The following ZFHX3 variants were observed in gnomAD, a reference collection of about 807,000 sequenced individuals.
The protein encoded by ZFHX3 is zinc finger homeobox 3.
Under a neutral mutation model 279.1 loss-of-function variants are expected in ZFHX3, and 42 were observed. The observed-to-expected ratio is 0.15, with a 90% CI of 0.12 to 0.19. ZFHX3 has a LOEUF of 0.19. Among genes scored for constraint, ZFHX3 ranks in the 10% least tolerant of loss-of-function variants. ZFHX3 has a pLI of 1.00. For missense variants in ZFHX3, 4,981 were observed against 4,754.0 expected (o/e 1.05, Z -1.40); for synonymous variants, 2,293 against 1,957.8 (o/e 1.17, Z -4.52).
At chr16:73,607,779 G>A (rs1335535607) in intron 2 of ZFHX3, among the ~76,000 whole-genome samples, 2 of 152,172 alleles carry the variant, frequency 1.3e-5, no homozygotes, top group African/African-American at 4.8e-5. Flanking sequence ...AGAAGAATGG[G>A]AGAAGGTCCT....
At chr16:73,658,503 A>G (rs895686737) in intron 2 of ZFHX3, among the ~76,000 whole-genome samples, 8 of 152,128 alleles carry the variant, frequency 5.3e-5, no homozygotes, top group Admixed American at 3.3e-4. Context: ...GGTTTTCACC[A>G]TGTTGGCTAG....
intron 1 of ZFHX3, among the ~76,000 whole-genome samples, chr16:73,831,902 TTTG>T (rs1961006413): frequency 6.6e-6 from 1 of 151,148 alleles, no homozygotes; most frequent in Non-Finnish European, 1.5e-5. Flanking sequence ...ATCTGGCTTC[TTTG>T]TTTTTTTGTT....
chr16:72,866,987 C>T (rs2038038411), intron 4 of ZFHX3, among the ~76,000 whole-genome samples: 1 of 152,194 alleles, frequency 6.6e-6, no homozygotes, highest in Non-Finnish European at 1.5e-5. Flanking sequence ...CAGTCATTAT[C>T]TTGCCTGTAT....
intron 8 of ZFHX3, among the ~76,000 whole-genome samples, chr16:73,091,422 C>A (rs1456547661): frequency 1.3e-5 from 2 of 152,004 alleles, no homozygotes; most frequent in African/African-American, 4.8e-5. Context: ...CCAGGGAATC[C>A]CTCTTTCTTG....
chr16:73,634,170 A>G (rs2052505583), intron 2 of ZFHX3, among the ~76,000 whole-genome samples: 3 of 151,942 alleles, frequency 2.0e-5, no homozygotes, highest in Non-Finnish European at 4.4e-5. Flanking sequence ...TATCATGTCA[A>G]TACTGTAAAA....
intron 3 of ZFHX3, among the ~76,000 whole-genome samples, chr16:73,393,237 T>C (rs2017056349): frequency 6.6e-6 from 1 of 152,222 alleles, no homozygotes; most frequent in African/African-American, 2.4e-5. Flanking sequence ...ATGGGAGCCA[T>C]TGTACCCGGC....
intron 4 of ZFHX3, among the ~76,000 whole-genome samples, chr16:72,846,330 G>A (rs1301928376): frequency 6.6e-6 from 1 of 152,244 alleles, no homozygotes; most frequent in African/African-American, 2.4e-5. Flanking sequence ...GGCATGGCAC[G>A]TGCAAAGACC....
chr16:73,224,341 A>C (rs901270464), intron 5 of ZFHX3, among the ~76,000 whole-genome samples: 4 of 152,248 alleles, frequency 2.6e-5, no homozygotes, highest in Non-Finnish European at 4.4e-5. Flanking sequence ...ACACTGCTCG[A>C]AAGTGTATTA....
intron 1 of ZFHX3, among the ~76,000 whole-genome samples, chr16:72,979,228 G>A (rs1302908524): frequency 6.6e-6 from 1 of 152,206 alleles, no homozygotes; most frequent in African/African-American, 2.4e-5. Context: ...CTGTGTCCAA[G>A]GCTGGAACCA....
intron 7 of ZFHX3, among the ~76,000 whole-genome samples, chr16:73,110,833 G>A (rs1262309744): frequency 6.6e-6 from 1 of 152,076 alleles, no homozygotes; most frequent in Non-Finnish European, 1.5e-5. Context: ...CAAATTGCTG[G>A]GATTATAGGT....
intron 1 of ZFHX3, among the ~76,000 whole-genome samples, chr16:73,822,495 G>C (rs1289523899): frequency 6.6e-6 from 1 of 151,554 alleles, no homozygotes; most frequent in Non-Finnish European, 1.5e-5. Context: ...CAGGTTGACT[G>C]TCATTGAAAA....
At chr16:72,963,787 G>A (rs1321638565) in intron 1 of ZFHX3, among the ~76,000 whole-genome samples, 1 of 152,160 alleles carries the variant, frequency 6.6e-6, no homozygotes, top group Non-Finnish European at 1.5e-5. Context: ...GCTGGGGTGG[G>A]AGGGGTGCAG....
rs371912555 is a variant in ZFHX3, at chr16:73,721,840, T to C, written c.-1607-41600A>G. ...CAGGCAGATTGCTTGAGCCCAGGAG[T>C]TCGAGAACAGCCTGGACAACATAGC... On this transcript the variant is annotated intron_variant, in intron 1 of 17. Coordinates refer to the ZFHX3 transcript ENST00000641206. 3.0e-4 allele frequency among the ~76,000 whole-genome samples: 45 copies of C among 152,154 alleles called. No individual in the cohort carries two copies. The East Asian group carries it at 5.0e-3, about 17-fold the overall frequency.
In ZFHX3 at chr16:73,077,766, C is replaced by T. The variant is rs185229455; in HGVS notation, c.-533+15469G>A. On this transcript the variant is annotated intron_variant, in intron 8 of 17. Coordinates refer to the ZFHX3 transcript ENST00000641206. ...AGACAGACAGAGTAAATTTGCCGATCGTGTCAATCATGTAGATCTCATGCA... is the reference window on the plus strand; with the variant it reads ...AGACAGACAGAGTAAATTTGCCGATTGTGTCAATCATGTAGATCTCATGCA... 3.4e-4 allele frequency among the ~76,000 whole-genome samples: 52 copies of T among 152,212 alleles called. 1 individual carries two copies. The East Asian group carries it at 8.3e-3, about 24-fold the overall frequency.
intron 1 of ZFHX3, among the ~76,000 whole-genome samples, chr16:73,792,294 C>A (rs1236107330): frequency 6.6e-6 from 1 of 152,080 alleles, no homozygotes; most frequent in Non-Finnish European, 1.5e-5. Context: ...GGGGAATGAA[C>A]TCATTTCCAG....
intron 1 of ZFHX3, among the ~76,000 whole-genome samples, chr16:73,687,977 A>T (rs2053108090): frequency 6.6e-6 from 1 of 152,006 alleles, no homozygotes; most frequent in African/African-American, 2.4e-5. Context: ...CCAACGTAAG[A>T]CGCAAATTCA....
intron 3 of ZFHX3, among the ~76,000 whole-genome samples, chr16:72,918,573 A>G (rs2039501796): frequency 6.6e-6 from 1 of 152,160 alleles, no homozygotes; most frequent in Non-Finnish European, 1.5e-5. Flanking sequence ...GCAGGTAACT[A>G]GGCAGCCAGT....
chr16:73,255,486 T>C (rs1389142821), intron 5 of ZFHX3, among the ~76,000 whole-genome samples: 1 of 152,172 alleles, frequency 6.6e-6, no homozygotes, highest in Non-Finnish European at 1.5e-5. Context: ...GCCTTGCCTG[T>C]GATTTGGGAG....
chr16:72,878,430 TG>T (rs1381593415), intron 4 of ZFHX3, among the ~76,000 whole-genome samples: 1 of 152,150 alleles, frequency 6.6e-6, no homozygotes, highest in African/African-American at 2.4e-5. Flanking sequence ...GCCCTCCCCA[TG>T]CTGTGGGGCT....
Sources: gnomAD v4.1 joint callset for allele counts (sites outside exome capture counted in the v4.1 genomes callset) on GRCh38, gnomAD v4.1.1 for gene constraint, MANE v1.5 for transcripts, NCBI Gene and HGNC (gene_info 2026-07-23, HGNC 2026-07-21) for gene names.